FCHSD1: variants seen among roughly 807,000 people sequenced by gnomAD.
FCHSD1 encodes the protein FCH and double SH3 domains 1, also known as F-BAR and double SH3 domains protein 1.
In FCHSD1, 109 loss-of-function variants were observed where a neutral mutation model predicts 101.3. The observed-to-expected ratio is 1.08, with a 90% CI of 0.92 to 1.26. The LOEUF (loss-of-function observed/expected upper bound fraction) is 1.26, where lower values mean the gene tolerates loss of function less well. FCHSD1 is among the 50% of genes most tolerant of loss of function. FCHSD1 has a pLI of 0.00. For missense variants in FCHSD1, 820 were observed against 895.8 expected (o/e 0.92, Z 1.08); for synonymous variants, 291 against 356.8 (o/e 0.82, Z 2.08).
chr5:141,640,784 T>C lies in FCHSD1; in HGVS notation c.*714A>G. The C allele has an allele frequency of 2.0e-6, 2 of 1,021,770 alleles. No individual in the cohort carries two copies. The highest frequency in any genetic ancestry group is 3.1e-5 in the South Asian group (2 of 63,534). The allele number at this position is 1,021,770 out of a possible 1,614,324, so 63.3% of individuals were successfully genotyped here. A position where few individuals can be genotyped will look rare whatever the true frequency, so the allele number is the denominator to read the frequency against. On this transcript the variant is annotated 3_prime_UTR_variant, in exon 20 of 20. Coordinates refer to ENST00000435817, the MANE Select transcript of FCHSD1 (RefSeq NM_033449.3). Reference sequence around the variant, plus strand: ...CCCCCAGCTGAGGGACCAGCTCTACTTCCACCTGGAGTTGCACAGTCTCAG... The same window carrying C: ...CCCCCAGCTGAGGGACCAGCTCTACCTCCACCTGGAGTTGCACAGTCTCAG...
Position 141,645,701 on chromosome 5 carries a change from A to G in FCHSD1, c.1311+70T>C, listed in dbSNP as rs548631366. 8.6e-6 allele frequency: 13 copies of G among 1,506,148 alleles called. 1 individual carries two copies. In the South Asian group the frequency reaches 1.4e-4, roughly 17 times the overall value. 93.3% of individuals were successfully genotyped at this position (1,506,148 alleles called of 1,614,324 possible). On this transcript the variant is annotated intron_variant, in intron 13 of 19. Coordinates refer to ENST00000435817, the MANE Select transcript of FCHSD1 (RefSeq NM_033449.3). ...TAGGCACAACTGTGATTCCAGTTTT[A>G]TAGGGTTTGCCTTCCACTGGAGTTT...
rs760292174 is a variant in FCHSD1, at chr5:141,639,982, C to T, written c.*1516G>A. ...CACGAACACCGTGATGGCTCCCCCA[C>T]AGACAGGAGCTGGGGCTCTGGTGGG... On this transcript the variant is annotated 3_prime_UTR_variant, in exon 20 of 20. Transcript: ENST00000435817. The surrounding 1 kb of genome is among the most constrained non-coding windows in gnomAD (Gnocchi z 4.4). The T allele has an allele frequency of 6.2e-7, 1 of 1,613,894 alleles. No homozygotes were observed. Among genetic ancestry groups the T allele is most frequent in the Admixed American group, 1.7e-5 (1 of 60,020 alleles).
At position 141,640,481 on chromosome 5, in the gene FCHSD1, T is replaced by C. The variant is rs1177802411; in HGVS notation, c.*1017A>G. Reference sequence around the variant, plus strand: ...CTGAGCCCTAAATGAGGTAATCTCATCTTCCCATCACCTACTTAAACTATT... The same window carrying C: ...CTGAGCCCTAAATGAGGTAATCTCACCTTCCCATCACCTACTTAAACTATT... On this transcript the variant is annotated 3_prime_UTR_variant, in exon 20 of 20. Transcript: ENST00000435817. 5 of 1,613,910 alleles carry C rather than the reference T, an allele frequency of 3.1e-6. No homozygotes were observed. Among genetic ancestry groups the C allele is most frequent in the Non-Finnish European group, 4.2e-6 (5 of 1,179,916 alleles).
chr5:141,644,543 G>A lies in FCHSD1; in HGVS notation c.1642+30C>T. The A allele has an allele frequency of 3.1e-6, 5 of 1,611,794 alleles. No homozygotes were observed. In the South Asian group the frequency reaches 3.3e-5, roughly 11 times the overall value. On this transcript the variant is annotated intron_variant, in intron 16 of 19. Coordinates refer to ENST00000435817, the MANE Select transcript of FCHSD1 (RefSeq NM_033449.3). The stretch of plus-strand genomic sequence containing the variant: ...CTAACAATTTTTCTCCATACCCAGG[G>A]TCCTCTAACCCAAAATTTCCCTTTC...
Position 141,640,437 on chromosome 5 carries a change from G to GT in FCHSD1, c.*1060dup. 1 of 1,614,198 alleles carries GT rather than the reference G, an allele frequency of 6.2e-7. No homozygotes were observed. Among genetic ancestry groups the GT allele is most frequent in the Non-Finnish European group, 8.5e-7 (1 of 1,180,020 alleles). On this transcript the variant is annotated 3_prime_UTR_variant, in exon 20 of 20. Coordinates refer to ENST00000435817, the MANE Select transcript of FCHSD1 (RefSeq NM_033449.3). ...GTGTCTCTACCACAGGGAGCAGGGA[G>GT]TATGTGAGGTGAGTCTGCCTGAGCC...
intron 3 of FCHSD1, 67 bp downstream of exon 3, chr5:141,650,292 G>A: frequency 6.3e-7 from 1 of 1,598,762 alleles, no homozygotes; most frequent in Non-Finnish European, 8.6e-7. Context: ...GATAGGTATG[G>A]ACAGACATTA....
At chr5:141,642,062 A>G in intron 18 of FCHSD1, 1 of 527,800 alleles carries the variant, frequency 1.9e-6, no homozygotes, top group South Asian at 2.3e-5. Context: ...AAGTCATGCA[A>G]AGTGAACTTG....
chr5:141,639,430 T>TGTTACC lies in FCHSD1; in HGVS notation c.*2062_*2067dup. On this transcript the variant is annotated 3_prime_UTR_variant, in exon 20 of 20. Transcript: ENST00000435817. The surrounding 1 kb of genome is among the most constrained non-coding windows in gnomAD (Gnocchi z 4.4). ...AACAAAACATGAAGGGAAATGGAAA[T>TGTTACC]GTTACCCTCACTCCCCTCCTCCCTG... 1 of 1,537,918 alleles carries TGTTACC rather than the reference T, an allele frequency of 6.5e-7. No homozygotes were observed. The highest frequency in any genetic ancestry group is 8.9e-7 in the Non-Finnish European group (1 of 1,128,942).
intron 9 of FCHSD1, 44 bp from the exon 10 acceptor site, chr5:141,647,274 T>C (rs1163276881): frequency 1.3e-6 from 2 of 1,578,356 alleles, no homozygotes; most frequent in African/African-American, 2.7e-5. Flanking sequence ...ACTGACTCAC[T>C]CTCCAACCCT....
intron 11 of FCHSD1, 92 bp from the exon 12 acceptor site, chr5:141,646,283 A>C (rs1231114094): frequency 2.5e-6 from 3 of 1,178,170 alleles, no homozygotes; most frequent in African/African-American, 1.5e-5. Flanking sequence ...CATCACATAC[A>C]TTATGTCATT....
Position 141,647,378 on chromosome 5 carries a change from T to C in FCHSD1, c.828+20A>G, listed in dbSNP as rs1277048874. 2 of 1,584,946 alleles carry C rather than the reference T, an allele frequency of 1.3e-6. No homozygotes were observed. The highest frequency in any genetic ancestry group is 4.5e-5 in the East Asian group (2 of 44,328). ...GTAAAAAGGATCCCCGGGGAAGCTC[T>C]TAGAGGCCACAGCCCTCACCTGGGA... On this transcript the variant is annotated intron_variant, in intron 9 of 19. Coordinates refer to ENST00000435817, the MANE Select transcript of FCHSD1 (RefSeq NM_033449.3).
chr5:141,644,297 C>T lies in FCHSD1; in HGVS notation c.1784G>A (p.Arg595His), dbSNP rs140791780. The T allele has an allele frequency of 1.4e-3, 2,237 of 1,613,748 alleles. 35 individuals carry two copies. In the African/African-American group the frequency reaches 0.026, roughly 19 times the overall value. The part of the protein sequence containing the change: ...DGFWRGEFGG[R>H]VGVFPSLLVE... ...CAGCAGGGAGGGGAAGACCCCAACA[C>T]GGCCCCCAAATTCTCCCCTCCAGAA... Residue 595 changes from arginine to histidine, a missense_variant, in exon 17 of 20, where the codon CGT becomes CAT. Transcript: ENST00000435817.
rs1397218369 is a variant in FCHSD1, at chr5:141,640,962, C to T, written c.*536G>A. 1.4e-5 allele frequency: 7 copies of T among 492,474 alleles called. No individual in the cohort carries two copies. Among genetic ancestry groups the T allele is most frequent in the Non-Finnish European group, 2.1e-5 (6 of 279,774 alleles). 30.5% of individuals were successfully genotyped at this position (492,474 alleles called of 1,614,324 possible). ...CCCTGCCCGTGGTGGGCCCCTAAAG[C>T]AATAGCACCGTAGGCCCCCTGCCCT... On this transcript the variant is annotated 3_prime_UTR_variant, in exon 20 of 20. Coordinates refer to ENST00000435817, the MANE Select transcript of FCHSD1 (RefSeq NM_033449.3).
At chr5:141,641,821 C>T (rs1198948635) in intron 18 of FCHSD1, 64 bp from the exon 19 acceptor site, 3 of 1,504,724 alleles carry the variant, frequency 2.0e-6, no homozygotes, top group Non-Finnish European at 2.8e-6. Context: ...ATCTCCAGCA[C>T]TTAGGACAGT....
chr5:141,647,641 T>G (rs1404512078), intron 8 of FCHSD1, 121 bp from the exon 9 acceptor site: 1 of 1,488,124 alleles, frequency 6.7e-7, no homozygotes, highest in Non-Finnish European at 9.1e-7. Context: ...GAAGACATTC[T>G]TCATGAGAAA....
In FCHSD1 at chr5:141,645,853, G is replaced by A; in HGVS notation, c.1229C>T (p.Ala410Val). Residue 410 changes from alanine (A) to valine (V), a missense_variant, in exon 13 of 20, where the codon GCC (alanine) becomes GTC (valine). Physicochemically the swap from Ala to Val is moderately conservative, Grantham distance 64. Transcript: ENST00000435817. ...CACCTCATCCTGGGCCTGGGTCATG[G>A]CTGGCTTCAGCCAGCGCTCCACATC... ...GLDVERWLKP[A>V]MTQAQDEVEQ... The A allele has an allele frequency of 6.2e-7, 1 of 1,601,832 alleles. No individual in the cohort carries two copies. The highest frequency in any genetic ancestry group is 2.3e-5 in the East Asian group (1 of 44,402).
intron 10 of FCHSD1, 128 bp from the exon 11 acceptor site, chr5:141,646,850 A>G: frequency 1.5e-6 from 2 of 1,365,310 alleles, no homozygotes; most frequent in Non-Finnish European, 2.0e-6. Flanking sequence ...GCCTACAGTC[A>G]TGGACACAGG....
Position 141,646,628 on chromosome 5 carries a change from T to C in FCHSD1, c.1019A>G (p.Tyr340Cys). Residue 340 changes from tyrosine to cysteine, a missense_variant, in exon 11 of 20, where the codon TAC becomes TGC. Transcript: ENST00000435817. The stretch of plus-strand genomic sequence containing the variant: ...CCGATGCCCATGGTTCTGGATCTTG[T>C]AGTCACGGGCAGCTCGGCTGGTCAA... ...QRLTSRAARD[Y>C]KIQNHGHRVL... 6.8e-6 allele frequency: 11 copies of C among 1,613,230 alleles called. No homozygotes were observed. Among genetic ancestry groups the C allele is most frequent in the Non-Finnish European group, 9.3e-6 (11 of 1,179,652 alleles).
chr5:141,645,104 C>T lies in FCHSD1; in HGVS notation c.1356G>A (p.Thr452=), dbSNP rs367794498. ...ELSDFEECEE[T]GELFEEPAPQ... The stretch of plus-strand genomic sequence containing the variant: ...GGGCAGGCTCCTCAAAGAGCTCTCC[C>T]GTCTCCTCACATTCCTCAAAGTCAG... The change falls in exon 14 of 20, where the codon ACG becomes ACA. Residue 452 remains threonine (T), a synonymous_variant. Coordinates refer to ENST00000435817, the MANE Select transcript of FCHSD1 (RefSeq NM_033449.3). The T allele has an allele frequency of 2.8e-5, 44 of 1,578,148 alleles. No homozygotes were observed. Among genetic ancestry groups the T allele is most frequent in the South Asian group, 1.1e-4 (9 of 84,842 alleles).
Sources: allele counts gnomAD v4.1 joint callset, GRCh38; gene constraint gnomAD v4.1.1; non-coding constraint Gnocchi (gnomAD v3.1); transcripts MANE v1.5; gene names NCBI Gene and HGNC (gene_info 2026-07-23, HGNC 2026-07-21).